SYNE1: variants seen among roughly 807,000 people sequenced by gnomAD.
SYNE1 encodes the protein spectrin repeat containing nuclear envelope protein 1.
SYNE1 carries 616 observed loss-of-function variants against 1,111.0 expected under a neutral mutation model. The observed-to-expected ratio is 0.55, with a 90% CI of 0.52 to 0.59. The LOEUF is 0.59. Ranked by LOEUF, SYNE1 falls within the 20% of genes least tolerant of loss-of-function variation. SYNE1 has a pLI of 0.00. For missense variants in SYNE1, 10,006 were observed against 10,417.0 expected (o/e 0.96, Z 1.72); for synonymous variants, 3,855 against 3,825.8 (o/e 1.01, Z -0.28).
chr6:152,416,107 G>A (rs1425009881), intron 41 of SYNE1, among the ~76,000 whole-genome samples: 10 of 152,166 alleles, frequency 6.6e-5, no homozygotes, highest in Admixed American at 4.6e-4. Flanking sequence ...AATTCATCTC[G>A]TGCTCAGTAA....
In SYNE1 at chr6:152,344,138, C is replaced by T. The variant is rs201095798; in HGVS notation, c.12168G>A (p.Gln4056=). 4.5e-5 allele frequency: 73 copies of T among 1,614,078 alleles called. No individual in the cohort carries two copies. Among genetic ancestry groups the T allele is most frequent in the Non-Finnish European group, 5.9e-5 (70 of 1,180,046 alleles). ...QQCQAWLSAV[Q]PDLEPSPQPP... The stretch of plus-strand genomic sequence containing the variant: ...GTTGAGGACTTGGCTCTAAATCCGG[C>T]TGGACTGCAGAAAGCCAGGCCTGGC... The change falls in exon 74 of 146, where the codon CAG becomes CAA. Residue 4056 remains glutamine, a synonymous_variant. Transcript: ENST00000367255.
chr6:152,289,802 A>ATT (rs1208621974), intron 95 of SYNE1, among the ~76,000 whole-genome samples: 1 of 151,340 alleles, frequency 6.6e-6, no homozygotes, highest in East Asian at 1.9e-4. Flanking sequence ...AAGTTTTTGT[A>ATT]TTTTTAGTAG....
chr6:152,218,505 C>A, intron 120 of SYNE1, 102 bp from the exon 121 acceptor site: 1 of 1,330,366 alleles, frequency 7.5e-7, no homozygotes, highest in Non-Finnish European at 1.1e-6. Flanking sequence ...AATTATTTTT[C>A]ATATTCTTGT....
At chr6:152,348,144 C>T (rs1287825114) in intron 72 of SYNE1, among the ~76,000 whole-genome samples, 2 of 152,018 alleles carry the variant, frequency 1.3e-5, no homozygotes, top group African/African-American at 4.8e-5. Flanking sequence ...AGCATTTAAA[C>T]TTATCATTTA....
chr6:152,254,067 G>A (rs2090204658), intron 104 of SYNE1, among the ~76,000 whole-genome samples: 1 of 151,220 alleles, frequency 6.6e-6, no homozygotes, highest in South Asian at 2.1e-4. Flanking sequence ...AGTTTCCTAA[G>A]CACACAATAA....
At chr6:152,339,786 G>C (rs1270445559) in intron 74 of SYNE1, among the ~76,000 whole-genome samples, 3 of 152,222 alleles carry the variant, frequency 2.0e-5, no homozygotes, top group Admixed American at 2.0e-4. Context: ...TTGGAGTGAG[G>C]TTAAAACACA....
chr6:152,595,860 C>A (rs1226162596), intron 3 of SYNE1, among the ~76,000 whole-genome samples: 1 of 151,954 alleles, frequency 6.6e-6, no homozygotes, highest in Admixed American at 6.6e-5. Context: ...AGGTCTAGTC[C>A]CACTCTGAAA....
chr6:152,330,112 A>G lies in SYNE1; in HGVS notation c.14573T>C (p.Ile4858Thr). 6.2e-7 allele frequency: 1 copy of G among 1,614,140 alleles called. No homozygotes were observed. Among genetic ancestry groups the G allele is most frequent in the Non-Finnish European group, 8.5e-7 (1 of 1,180,032 alleles). ...TTTTAACTCCCCTTGCCAGGACTGGATCTGATGCCTGGCTTTCTCATAAGC... is the reference window on the plus strand; with the variant it reads ...TTTTAACTCCCCTTGCCAGGACTGGGTCTGATGCCTGGCTTTCTCATAAGC... ...PLAYEKARHQ[I>T]QSWQGELKLL... is the part of the protein sequence containing the mutation. Residue 4858 changes from isoleucine (I) to threonine (T), a missense_variant, in exon 78 of 146, where the codon ATC becomes ACC. By Grantham distance (89) the Ile-to-Thr change is moderately conservative (BLOSUM62 -1). Coordinates refer to ENST00000367255, the MANE Select transcript of SYNE1 (RefSeq NM_182961.4).
At chr6:152,583,033 G>A (rs1217419038) in intron 3 of SYNE1, among the ~76,000 whole-genome samples, 1 of 152,154 alleles carries the variant, frequency 6.6e-6, no homozygotes, top group East Asian at 1.9e-4. Flanking sequence ...TTGGAGTGGA[G>A]AGATTCTGAA....
intron 3 of SYNE1, among the ~76,000 whole-genome samples, chr6:152,547,199 G>T (rs903392120): frequency 6.6e-6 from 1 of 152,218 alleles, no homozygotes; most frequent in Non-Finnish European, 1.5e-5. Flanking sequence ...CTAAGATTTG[G>T]TGGTGGTTTG....
At chr6:152,332,000 T>G in intron 77 of SYNE1, 110 bp from the exon 78 acceptor site, 1 of 1,506,372 alleles carries the variant, frequency 6.6e-7, no homozygotes, top group Non-Finnish European at 9.1e-7. Flanking sequence ...GACTGAGTTT[T>G]GCTCTTGTTT....
chr6:152,565,120 G>A (rs1595477159), intron 3 of SYNE1, among the ~76,000 whole-genome samples: 1 of 152,292 alleles, frequency 6.6e-6, no homozygotes, highest in East Asian at 1.9e-4. Context: ...AATAAAGACA[G>A]GGAAGCGAAG....
At chr6:152,581,820 C>T (rs1374807213) in intron 3 of SYNE1, among the ~76,000 whole-genome samples, 2 of 152,058 alleles carry the variant, frequency 1.3e-5, no homozygotes, top group Non-Finnish European at 2.9e-5. Flanking sequence ...TTGTAAATGT[C>T]CCCTGCTGAT....
chr6:152,138,101 A>G (rs2057480263), intron 140 of SYNE1, among the ~76,000 whole-genome samples: 1 of 152,148 alleles, frequency 6.6e-6, no homozygotes, highest in Non-Finnish European at 1.5e-5. Context: ...AATCTCTCTC[A>G]CGTGGTACTT....
chr6:152,599,136 C>T (rs543283467), intron 3 of SYNE1, among the ~76,000 whole-genome samples: 13 of 152,236 alleles, frequency 8.5e-5, no homozygotes, highest in Admixed American at 1.3e-4. Context: ...GAAAAATTAT[C>T]GTTCTGAATG....
intron 3 of SYNE1, among the ~76,000 whole-genome samples, chr6:152,606,781 G>T (rs2099616068): frequency 6.6e-6 from 1 of 151,442 alleles, no homozygotes; most frequent in African/African-American, 2.4e-5. Context: ...CCAAGTGGCT[G>T]GGACTACAGG....
In SYNE1 at chr6:152,413,352, T is replaced by C. The variant is rs758297675; in HGVS notation, c.6230A>G (p.Asn2077Ser). 6.2e-7 allele frequency: 1 copy of C among 1,614,164 alleles called. No individual in the cohort carries two copies. The highest frequency in any genetic ancestry group is 1.7e-5 in the Admixed American group (1 of 60,032). ...AAGAACTGGGTGGGTTTTGACTTAC[T>C]TTTCATGAATTAGTCTTTTGGTATC... Reference protein sequence around the residue: ...WDDTKRLIHENQGQCCGLIDL... With the variant: ...WDDTKRLIHESQGQCCGLIDL... Residue 2077 changes from asparagine to serine, a missense_variant and splice_region_variant, in exon 42 of 146, where the codon AAT (asparagine) becomes AGT (serine). Physicochemically the swap from Asn to Ser is conservative, Grantham distance 46. Coordinates refer to ENST00000367255, the MANE Select transcript of SYNE1 (RefSeq NM_182961.4).
chr6:152,227,711 T>C (rs188583000), intron 115 of SYNE1, among the ~76,000 whole-genome samples: 1 of 152,324 alleles, frequency 6.6e-6, no homozygotes, highest in Non-Finnish European at 1.5e-5. Context: ...TATCCTCATT[T>C]TTCTATGATG....
intron 3 of SYNE1, among the ~76,000 whole-genome samples, chr6:152,593,408 C>T (rs747143657): frequency 6.6e-6 from 1 of 152,052 alleles, no homozygotes; most frequent in Non-Finnish European, 1.5e-5. Context: ...CATGGTGAAA[C>T]CCCATCTCAA....
Sources: allele counts gnomAD v4.1 joint callset (sites outside exome capture counted in the v4.1 genomes callset), GRCh38; gene constraint gnomAD v4.1.1; transcripts MANE v1.5; gene names NCBI Gene and HGNC (gene_info 2026-07-23, HGNC 2026-07-21).